The following CALB1 variants were observed in gnomAD, a reference collection of about 807,000 sequenced individuals.
CALB1 encodes the protein calbindin.
CALB1 carries 16 observed loss-of-function variants against 46.7 expected under a neutral mutation model. The observed-to-expected ratio is 0.34, with a 90% CI of 0.23 to 0.52. CALB1 has a LOEUF of 0.52. Ranked by LOEUF, CALB1 falls within the 20% of genes least tolerant of loss-of-function variation. The pLI is 0.95. For synonymous variants in CALB1, 90 were observed against 112.8 expected (o/e 0.80, Z 1.28); for missense variants, 224 against 300.3 (o/e 0.75, Z 1.88).
Position 90,064,769 on chromosome 8 carries a change from T to G in CALB1, c.450+1129A>C, listed in dbSNP as rs149917629. On this transcript the variant is annotated intron_variant, in intron 6 of 10. Transcript: ENST00000265431. ...TGTAAGTGGAGATGTAATGAGGAAT[T>G]AAAGATGACCATGAAAACCTTTTTG... Among the ~76,000 whole-genome samples, 684 of 151,936 alleles carry G rather than the reference T, an allele frequency of 4.5e-3. 5 individuals are homozygous for G. Among genetic ancestry groups the G allele is most frequent in the African/African-American group, 0.015 (620 of 41,556 alleles).
At chr8:90,073,287 G>T (rs1479976412) in intron 3 of CALB1, among the ~76,000 whole-genome samples, 3 of 152,158 alleles carry the variant, frequency 2.0e-5, no homozygotes, top group Non-Finnish European at 4.4e-5. Context: ...CCCTTCAAGT[G>T]CTGGGAGTGT....
intron 2 of CALB1, among the ~76,000 whole-genome samples, chr8:90,079,284 G>A (rs1365373544): frequency 1.3e-5 from 2 of 151,774 alleles, no homozygotes; most frequent in South Asian, 2.1e-4. Context: ...ATAATTAAAG[G>A]GCTATATTGA....
intron 3 of CALB1, among the ~76,000 whole-genome samples, 195 bp from the exon 4 acceptor site, chr8:90,069,432 C>T (rs548350836): frequency 6.6e-6 from 1 of 152,256 alleles, no homozygotes; most frequent in African/African-American, 2.4e-5. Context: ...CGCTCGTGTG[C>T]CCTTGTGTGC....
rs1170099875 is a variant in CALB1 at position 90,069,047 on chromosome 8, C to G, written c.323G>C (p.Arg108Thr). Reference protein sequence around the residue: ...KSCEEFMKTWRKYDTDHSGFI... With the variant: ...KSCEEFMKTWTKYDTDHSGFI... ...GCCACTGTGGTCAGTATCATATTTT[C>G]TCCATGTCTGTAAGTAATTTTGGAT... The change falls in exon 5 of 11, where the codon AGA becomes ACA. Residue 108 changes from arginine (R) to threonine (T), a missense_variant. Arg to Thr is a moderately conservative substitution (Grantham distance 71). Transcript: ENST00000265431. The G allele has an allele frequency of 6.2e-7, 1 of 1,613,200 alleles. No individual in the cohort carries two copies. The highest frequency in any genetic ancestry group is 2.2e-5 in the East Asian group (1 of 44,874).
At chr8:90,062,060 T>C (rs1406009768) in intron 9 of CALB1, 6 of 152,074 alleles carry the variant, frequency 3.9e-5, no homozygotes, top group African/African-American at 1.4e-4. Flanking sequence ...TGATCTTTGA[T>C]AAGGGTGCCA....
At chr8:90,071,528 T>A (rs1337250513) in intron 3 of CALB1, among the ~76,000 whole-genome samples, 1 of 152,026 alleles carries the variant, frequency 6.6e-6, no homozygotes, top group African/African-American at 2.4e-5. Flanking sequence ...ATAATAATAC[T>A]TTCCTGGAGG....
In CALB1 at chr8:90,060,073, A is replaced by G; in HGVS notation, c.*100T>C. The G allele has an allele frequency of 2.7e-6, 2 of 736,004 alleles. No homozygotes were observed. Among genetic ancestry groups the G allele is most frequent in the Admixed American group, 3.9e-5 (2 of 51,202 alleles). 45.6% of individuals were successfully genotyped at this position (736,004 alleles called of 1,614,324 possible). On this transcript the variant is annotated 3_prime_UTR_variant, in exon 11 of 11. Coordinates refer to ENST00000265431, the MANE Select transcript of CALB1 (RefSeq NM_004929.4). ...CCTGGATAATTATCTATATGCAGTTAAATTTACAGATATAAAAGAAAATAC... is the reference window on the plus strand; with the variant it reads ...CCTGGATAATTATCTATATGCAGTTGAATTTACAGATATAAAAGAAAATAC...
rs1248381484 is a variant in CALB1, at chr8:90,082,633, T to C, written c.65A>G (p.His22Arg). 6.2e-7 allele frequency: 1 copy of C among 1,613,708 alleles called. No individual in the cohort carries two copies. Among genetic ancestry groups the C allele is most frequent in the African/African-American group, 1.3e-5 (1 of 74,854 alleles). Residue 22 changes from histidine (H) to arginine (R), a missense_variant, in exon 1 of 11, where the codon CAT (histidine) becomes CGT (arginine). By Grantham distance (29) the His-to-Arg change is conservative. Transcript: ENST00000265431. ...AAGATAATCACCGTCAGCGTCGAAATGGAGCCAGATCTCGAAAAACTGTGA... is the reference window on the plus strand; with the variant it reads ...AAGATAATCACCGTCAGCGTCGAAACGGAGCCAGATCTCGAAAAACTGTGA... ...TASQFFEIWL[H>R]FDADGSGYLE... is the part of the protein sequence containing the mutation.
Position 90,070,837 on chromosome 8 carries a change from AGTGTGTGTGTGTGT to A in CALB1, c.232-1614_232-1601del, listed in dbSNP as rs35368479. Among the ~76,000 whole-genome samples, 608 of 121,744 alleles carry A rather than the reference AGTGTGTGTGTGTGT, an allele frequency of 5.0e-3. 9 individuals carry two copies. Among genetic ancestry groups the A allele is most frequent in the South Asian group, 0.035 (129 of 3,644 alleles). The allele number at this position is 121,744 out of a possible 152,430, so 79.9% of individuals were successfully genotyped here. A position where few individuals can be genotyped will look rare whatever the true frequency, so the allele number is the denominator to read the frequency against. The stretch of plus-strand genomic sequence containing the variant: ...TACATAAACACATTTGCATCATTGC[AGTGTGTGTGTGTGT>A]GTGTGTGTGTGTGTGTGTGTGTGTG... On this transcript the variant is annotated intron_variant, in intron 3 of 10. Transcript: ENST00000265431.
intron 6 of CALB1, chr8:90,063,683 T>G: frequency 2.1e-6 from 1 of 477,468 alleles, no homozygotes. Flanking sequence ...AACAGAGAAA[T>G]AGTGGTTTTA....
chr8:90,068,401 T>C (rs1217465230), intron 5 of CALB1, among the ~76,000 whole-genome samples: 1 of 152,212 alleles, frequency 6.6e-6, no homozygotes, highest in East Asian at 1.9e-4. Context: ...TTTTTTATTT[T>C]TTATCATCAT....
chr8:90,070,460 G>C (rs887168761), intron 3 of CALB1, among the ~76,000 whole-genome samples: 8 of 151,874 alleles, frequency 5.3e-5, no homozygotes, highest in Admixed American at 4.6e-4. Flanking sequence ...CATCCTTTTA[G>C]GTTCATTTAA....
chr8:90,065,818 C>T (rs1354143546), intron 6 of CALB1, 80 bp downstream of exon 6: 3 of 856,506 alleles, frequency 3.5e-6, no homozygotes, highest in African/African-American at 1.7e-5. Context: ...TTATTTCATC[C>T]TGTGTAGCCT....
At chr8:90,066,802 G>C (rs1258323685) in intron 5 of CALB1, among the ~76,000 whole-genome samples, 1 of 152,016 alleles carries the variant, frequency 6.6e-6, no homozygotes, top group African/African-American at 2.4e-5. Flanking sequence ...ATTTTGTTTA[G>C]TGCTATTCAT....
Position 90,078,457 on chromosome 8 carries a change from T to C in CALB1, c.157-10A>G, listed in dbSNP as rs1048722848. On this transcript the variant is annotated splice_polypyrimidine_tract_variant and intron_variant, in intron 2 of 10. Transcript: ENST00000265431. ...TTTCAGGTGATAACTCCTAAAATTA[T>C]ATAAAAGCAGGTAGGAGGTTTGTTA... is the stretch of plus-strand genomic sequence containing the variant. The C allele has an allele frequency of 1.1e-5, 16 of 1,468,644 alleles. No homozygotes were observed. Among genetic ancestry groups the C allele is most frequent in the Non-Finnish European group, 1.5e-5 (16 of 1,062,478 alleles). 91.0% of individuals were successfully genotyped at this position (1,468,644 alleles called of 1,614,324 possible).
intron 3 of CALB1, among the ~76,000 whole-genome samples, chr8:90,077,457 T>C (rs1814641868): frequency 6.6e-6 from 1 of 152,068 alleles, no homozygotes; most frequent in South Asian, 2.1e-4. Context: ...CTTCACAATC[T>C]AATACACTGA....
intron 2 of CALB1, among the ~76,000 whole-genome samples, chr8:90,078,770 C>T (rs940593359): frequency 6.6e-6 from 1 of 151,848 alleles, no homozygotes; most frequent in Non-Finnish European, 1.5e-5. Context: ...TAATCATCAC[C>T]ATCAATATAT....
Position 90,060,274 on chromosome 8 carries a change from T to C in CALB1, c.685A>G (p.Asn229Asp). ...TTCTTCTTGTATGTTGTAATATTAT[T>C]AATATCCAGATCCTGTACAGAATAT... is the stretch of plus-strand genomic sequence containing the variant. ...CEKNKQDLDI[N>D]NITTYKKNIM... The change falls in exon 11 of 11, where the codon AAT becomes GAT. Residue 229 changes from asparagine to aspartate, a missense_variant. Asn to Asp is a conservative substitution (Grantham distance 23). Coordinates refer to ENST00000265431, the MANE Select transcript of CALB1 (RefSeq NM_004929.4). 6.3e-7 allele frequency: 1 copy of C among 1,585,240 alleles called. No homozygotes were observed. Among genetic ancestry groups the C allele is most frequent in the African/African-American group, 1.3e-5 (1 of 74,414 alleles).
chr8:90,082,638 C>T lies in CALB1; in HGVS notation c.60G>A (p.Trp20Ter). Reference protein sequence around the residue: ...LITASQFFEIWLHFDADGSGY... With the variant: ...LITASQFFEI ...AATCACCGTCAGCGTCGAAATGGAG[C>T]CAGATCTCGAAAAACTGTGAGGCTG... The change falls in exon 1 of 11, where the codon TGG becomes TGA. Residue 20 changes from tryptophan (W) to a stop codon, truncating the protein, a stop_gained. Transcript: ENST00000265431. LOFTEE classifies it high-confidence loss of function. 6.2e-7 allele frequency: 1 copy of T among 1,613,956 alleles called. No homozygotes were observed. Among genetic ancestry groups the T allele is most frequent in the East Asian group, 2.2e-5 (1 of 44,872 alleles).
Sources: allele counts gnomAD v4.1 joint callset (sites outside exome capture counted in the v4.1 genomes callset), GRCh38; gene constraint gnomAD v4.1.1; transcripts MANE v1.5; gene names NCBI Gene and HGNC (gene_info 2026-07-23, HGNC 2026-07-21).